Variants in PKP1 observed in about 807,000 individuals in gnomAD.
PKP1 encodes plakophilin-1.
Under a neutral mutation model 76.4 loss-of-function variants are expected in PKP1, and 27 were observed. The observed-to-expected ratio is 0.35, with a 90% CI of 0.26 to 0.49. PKP1 has a LOEUF of 0.49. Among genes scored for constraint, PKP1 ranks in the 20% least tolerant of loss-of-function variants. The pLI is 0.99. For synonymous variants in PKP1, 404 were observed against 384.2 expected (o/e 1.05, Z -0.60); for missense variants, 964 against 955.2 (o/e 1.01, Z -0.12).
chr1:201,330,588 G>A lies in PKP1; in HGVS notation c.*547G>A, dbSNP rs1328388119. The A allele has an allele frequency of 6.6e-6, 1 of 152,266 alleles. No homozygotes were observed. The highest frequency in any genetic ancestry group is 1.5e-5 in the Non-Finnish European group (1 of 68,056). The allele number at this position is 152,266 out of a possible 1,614,324, so 9.4% of individuals were successfully genotyped here. A position where few individuals can be genotyped will look rare whatever the true frequency, so the allele number is the denominator to read the frequency against. ...CATCACTGCAGTCAGGCCCTCAGAGGAGTCCTGCAGGCTTCCTACCAGTGG... is the reference window on the plus strand; with the variant it reads ...CATCACTGCAGTCAGGCCCTCAGAGAAGTCCTGCAGGCTTCCTACCAGTGG... On this transcript the variant is annotated 3_prime_UTR_variant, in exon 14 of 14. Coordinates refer to ENST00000367324, the MANE Select transcript of PKP1 (RefSeq NM_001005337.3).
intron 12 of PKP1, among the ~76,000 whole-genome samples, chr1:201,326,669 A>G (rs1308859332): frequency 6.6e-6 from 1 of 152,180 alleles, no homozygotes; most frequent in Non-Finnish European, 1.5e-5. Context: ...TTGAGTTTGG[A>G]AGACTTGGAT....
At chr1:201,298,194 C>T (rs570687438) in intron 2 of PKP1, among the ~76,000 whole-genome samples, 5 of 152,118 alleles carry the variant, frequency 3.3e-5, no homozygotes, top group Non-Finnish European at 7.4e-5. Flanking sequence ...CTTAGTTGTC[C>T]TTGTAATATG....
intron 12 of PKP1, chr1:201,328,515 C>T: frequency 1.7e-6 from 1 of 574,312 alleles, no homozygotes. Flanking sequence ...ACTCAGGTTT[C>T]TGCAAATGCA....
At position 201,298,935 on chromosome 1, in the gene PKP1, TG is replaced by T. The variant is rs567476100; in HGVS notation, c.306+4894del. ...AAGCCTCTGTTACAGATGAGAGGACTGGGGTTGCATCACACTCCAGCAGGGG... is the reference window on the plus strand; with the variant it reads ...AAGCCTCTGTTACAGATGAGAGGACTGGGTTGCATCACACTCCAGCAGGGG... On this transcript the variant is annotated intron_variant, in intron 2 of 13. Transcript: ENST00000367324. Among the ~76,000 whole-genome samples the T allele has an allele frequency of 3.9e-5, 6 of 152,290 alleles. No homozygotes were observed. In the South Asian group the frequency reaches 1.2e-3, roughly 32 times the overall value.
At chr1:201,324,297 T>A (rs1465529911) in intron 9 of PKP1, 131 bp from the exon 10 acceptor site, 1 of 906,442 alleles carries the variant, frequency 1.1e-6, no homozygotes, top group Non-Finnish European at 1.8e-6. Flanking sequence ...TGCCCACATG[T>A]GAGCTAGTGC....
intron 2 of PKP1, 125 bp from the exon 3 acceptor site, chr1:201,313,041 C>A (rs541038698): frequency 1.9e-6 from 2 of 1,039,956 alleles, no homozygotes; most frequent in African/African-American, 1.6e-5. Context: ...TCCTTCCACG[C>A]CAAACATTCT....
intron 7 of PKP1, 123 bp from the exon 8 acceptor site, chr1:201,321,855 T>G: frequency 9.3e-7 from 1 of 1,072,542 alleles, no homozygotes; most frequent in Non-Finnish European, 1.4e-6. Context: ...TGGTGGTGCC[T>G]GCGCTCATCT....
chr1:201,295,776 G>T (rs1053108298), intron 2 of PKP1, among the ~76,000 whole-genome samples: 1 of 152,106 alleles, frequency 6.6e-6, no homozygotes, highest in South Asian at 2.1e-4. Context: ...TTCACTCACG[G>T]GTTGATATCA....
chr1:201,309,734 G>C lies in PKP1; in HGVS notation c.307-3432G>C, dbSNP rs1772847. 1.8e-4 allele frequency among the ~76,000 whole-genome samples: 28 copies of C among 152,176 alleles called. No individual in the cohort carries two copies. In the East Asian group the frequency reaches 5.4e-3, roughly 29 times the overall value. The stretch of plus-strand genomic sequence containing the variant: ...CTCTTCTGGCTGCAGCTGCTCTCTC[G>C]GGACCTGGAAGACAGTGTTTGGAAA... On this transcript the variant is annotated intron_variant, in intron 2 of 13. Transcript: ENST00000367324.
chr1:201,314,541 C>G (rs1266099546), intron 3 of PKP1, among the ~76,000 whole-genome samples: 1 of 152,204 alleles, frequency 6.6e-6, no homozygotes, highest in Non-Finnish European at 1.5e-5. Context: ...TGCTACAGAA[C>G]AGAGCACAAC....
At chr1:201,311,256 G>A (rs935405836) in intron 2 of PKP1, among the ~76,000 whole-genome samples, 4 of 152,222 alleles carry the variant, frequency 2.6e-5, no homozygotes, top group African/African-American at 9.6e-5. Context: ...CCTGTAATCT[G>A]CAGGACACGC....
At chr1:201,326,993 T>C (rs1657144687) in intron 12 of PKP1, among the ~76,000 whole-genome samples, 1 of 152,100 alleles carries the variant, frequency 6.6e-6, no homozygotes, top group African/African-American at 2.4e-5. Context: ...GGATGGACAC[T>C]GGAAAAGGCC....
intron 3 of PKP1, among the ~76,000 whole-genome samples, chr1:201,314,333 G>A (rs1337876590): frequency 6.6e-6 from 1 of 152,144 alleles, no homozygotes; most frequent in African/African-American, 2.4e-5. Context: ...ATGGTGGCGG[G>A]TGCCTGTAGT....
intron 8 of PKP1, 34 bp from the exon 9 acceptor site, chr1:201,322,979 C>G: frequency 6.2e-7 from 1 of 1,608,562 alleles, no homozygotes; most frequent in Non-Finnish European, 8.5e-7. Context: ...ACAAGGCTCC[C>G]CATTGACCCC....
At chr1:201,294,768 C>G (rs1471985479) in intron 2 of PKP1, among the ~76,000 whole-genome samples, 4 of 152,222 alleles carry the variant, frequency 2.6e-5, no homozygotes, top group Admixed American at 2.0e-4. Context: ...TGTCTGCTTT[C>G]TAAGTGATCT....
At position 201,316,535 on chromosome 1, in the gene PKP1, A is replaced by C; in HGVS notation, c.702-18A>C. ...CCCAGCCCACCCCGTAACCACCCCC[A>C]CTGCCTATTCTTCACAGGATCTGCA... On this transcript the variant is annotated intron_variant, in intron 3 of 13. Transcript: ENST00000367324. 1.3e-6 allele frequency: 2 copies of C among 1,593,770 alleles called. No individual in the cohort carries two copies. Among genetic ancestry groups the C allele is most frequent in the South Asian group, 1.1e-5 (1 of 87,816 alleles).
chr1:201,289,016 G>A lies in PKP1; in HGVS notation c.203-4926G>A, dbSNP rs1655820958. 2.0e-5 allele frequency among the ~76,000 whole-genome samples: 3 copies of A among 152,226 alleles called. No homozygotes were observed. In the South Asian group the frequency reaches 6.2e-4, roughly 32 times the overall value. On this transcript the variant is annotated intron_variant, in intron 1 of 13. Transcript: ENST00000367324. ...CCACACCAAAGTGCCCGGTGAGGCTGTGCTGAACTCCTTGCCCTCCCCATC... is the reference window on the plus strand; with the variant it reads ...CCACACCAAAGTGCCCGGTGAGGCTATGCTGAACTCCTTGCCCTCCCCATC...
At chr1:201,317,948 A>G (rs1656813774) in intron 5 of PKP1, among the ~76,000 whole-genome samples, 169 bp downstream of exon 5, 1 of 152,214 alleles carries the variant, frequency 6.6e-6, no homozygotes, top group Non-Finnish European at 1.5e-5. Context: ...CCTTGGCCCA[A>G]TTAGGGGTGT....
chr1:201,291,089 T>A (rs1655902165), intron 1 of PKP1, among the ~76,000 whole-genome samples: 1 of 152,170 alleles, frequency 6.6e-6, no homozygotes, highest in Non-Finnish European at 1.5e-5. Context: ...ACTCCTTGGT[T>A]ATCTGGCACA....
Sources: gnomAD v4.1 joint callset for allele counts (sites outside exome capture counted in the v4.1 genomes callset) on GRCh38, gnomAD v4.1.1 for gene constraint, MANE v1.5 for transcripts, NCBI Gene and HGNC (gene_info 2026-07-23, HGNC 2026-07-21) for gene names.